CTNNA3: variants seen among roughly 807,000 people sequenced by gnomAD.
The protein encoded by CTNNA3 is catenin alpha-3.
CTNNA3 carries 76 observed loss-of-function variants against 95.7 expected under a neutral mutation model. The ratio of observed to expected loss-of-function variants is 0.79; its 90% CI spans 0.66 to 0.96. The LOEUF is 0.96. Ranked by LOEUF, CTNNA3 falls within the 40% of genes least tolerant of loss-of-function variation. The probability of loss-of-function intolerance (pLI) is 0.00; values close to 1 mark genes in which losing one functional copy is unlikely to be tolerated. For synonymous variants in CTNNA3, 431 were observed against 374.4 expected (o/e 1.15, Z -1.74); for missense variants, 1,191 against 1,089.8 (o/e 1.09, Z -1.31).
At chr10:67,285,234 TA>T (rs1839551885) in intron 5 of CTNNA3, among the ~76,000 whole-genome samples, 1 of 152,194 alleles carries the variant, frequency 6.6e-6, no homozygotes, top group Admixed American at 6.5e-5. Flanking sequence ...AAGTCCCAAC[TA>T]ATAACTAATG....
At chr10:67,726,509 A>G (rs1589582217) in intron 1 of CTNNA3, among the ~76,000 whole-genome samples, 1 of 74,572 alleles carries the variant, frequency 1.3e-5, no homozygotes, top group African/African-American at 5.7e-5. Context: ...ATAATATATT[A>G]TATATTATAT....
chr10:67,727,233 A>C (rs924063366), intron 1 of CTNNA3, among the ~76,000 whole-genome samples: 3 of 124,292 alleles, frequency 2.4e-5, no homozygotes, highest in African/African-American at 9.5e-5. Flanking sequence ...ATTACATATT[A>C]TATACTACAT....
At position 66,562,685 on chromosome 10, in the gene CTNNA3, T is replaced by C. The variant is rs578161630; in HGVS notation, c.1375-41912A>G. Among the ~76,000 whole-genome samples the C allele has an allele frequency of 1.2e-4, 18 of 152,268 alleles. No individual in the cohort carries two copies. The East Asian group carries it at 1.7e-3, about 15-fold the overall frequency. On this transcript the variant is annotated intron_variant, in intron 10 of 17. Coordinates refer to ENST00000433211, the MANE Select transcript of CTNNA3 (RefSeq NM_013266.4). ...TATTTTTGTGGTTGTCATTGGATTATGCTAATATGTACAGATCAAAGGTAA... is the reference window on the plus strand; with the variant it reads ...TATTTTTGTGGTTGTCATTGGATTACGCTAATATGTACAGATCAAAGGTAA...
At chr10:67,092,566 C>T (rs538767831) in intron 7 of CTNNA3, among the ~76,000 whole-genome samples, 1 of 151,656 alleles carries the variant, frequency 6.6e-6, no homozygotes, top group Non-Finnish European at 1.5e-5. Context: ...TACAAATATA[C>T]CTAGATATTA....
At chr10:66,423,556 C>T (rs930124286) in intron 11 of CTNNA3, among the ~76,000 whole-genome samples, 2 of 152,098 alleles carry the variant, frequency 1.3e-5, no homozygotes, top group Non-Finnish European at 2.9e-5. Context: ...ACATTCCAAC[C>T]CTAAGATAAA....
At chr10:67,491,378 TAGA>T (rs1848643102) in intron 5 of CTNNA3, among the ~76,000 whole-genome samples, 1 of 152,106 alleles carries the variant, frequency 6.6e-6, no homozygotes, top group Non-Finnish European at 1.5e-5. Flanking sequence ...CTTATTACAG[TAGA>T]AGGAGAAACA....
At chr10:67,341,829 C>T (rs1462692790) in intron 5 of CTNNA3, among the ~76,000 whole-genome samples, 1 of 151,926 alleles carries the variant, frequency 6.6e-6, no homozygotes, top group East Asian at 1.9e-4. Context: ...ACAATGACTC[C>T]CTTTTCTCCA....
intron 10 of CTNNA3, among the ~76,000 whole-genome samples, chr10:66,581,470 T>A (rs1440666684): frequency 3.3e-5 from 5 of 151,556 alleles, no homozygotes; most frequent in African/African-American, 1.2e-4. Context: ...GTGGTATACA[T>A]TGTGGTTTTA....
At chr10:67,496,313 G>C (rs1215380563) in intron 5 of CTNNA3, among the ~76,000 whole-genome samples, 1 of 151,978 alleles carries the variant, frequency 6.6e-6, no homozygotes, top group Non-Finnish European at 1.5e-5. Flanking sequence ...TGAATATATG[G>C]CTTATGTTTA....
chr10:67,545,677 A>G (rs1165994619), intron 3 of CTNNA3, among the ~76,000 whole-genome samples: 2 of 152,176 alleles, frequency 1.3e-5, no homozygotes, highest in African/African-American at 4.8e-5. Context: ...CGCAAGTGTC[A>G]TTAAGTTTTC....
At position 65,913,948 on chromosome 10, in the gene CTNNA3, C is replaced by T. The variant is rs1258668345; in HGVS notation, c.*6382G>A. 6.6e-6 allele frequency: 1 copy of T among 152,220 alleles called. No individual in the cohort carries two copies. The highest frequency in any genetic ancestry group is 1.9e-4 in the East Asian group (1 of 5,172). The allele number at this position is 152,220 out of a possible 1,614,324, so 9.4% of individuals were successfully genotyped here. On this transcript the variant is annotated 3_prime_UTR_variant, in exon 18 of 18. Transcript: ENST00000433211. ...AATAGAAAAGCAAGATATCTACAGGCTTTTGAACTATTGATACAACTATTC... is the reference window on the plus strand; with the variant it reads ...AATAGAAAAGCAAGATATCTACAGGTTTTTGAACTATTGATACAACTATTC...
At position 67,665,361 on chromosome 10, in the gene CTNNA3, C is replaced by T. The variant is rs539080383; in HGVS notation, c.-5-17843G>A. On this transcript the variant is annotated intron_variant, in intron 1 of 17. Coordinates refer to ENST00000433211, the MANE Select transcript of CTNNA3 (RefSeq NM_013266.4). ...AGTCTAGAGTTTAGTGTTACTAAAA[C>T]GAAAATTAGTTATAAAAGTAAAAAT... Among the ~76,000 whole-genome samples, 8 of 152,110 alleles carry T rather than the reference C, an allele frequency of 5.3e-5. No homozygotes were observed. In the South Asian group the frequency reaches 1.7e-3, roughly 32 times the overall value.
At chr10:66,554,275 G>T (rs572678971) in intron 10 of CTNNA3, among the ~76,000 whole-genome samples, 91 of 152,120 alleles carry the variant, frequency 6.0e-4, no homozygotes, top group Middle Eastern at 3.4e-3. Flanking sequence ...CCTGAATACA[G>T]ATATTTTATC....
chr10:65,987,140 A>G (rs565987919), intron 16 of CTNNA3, among the ~76,000 whole-genome samples: 21 of 152,134 alleles, frequency 1.4e-4, no homozygotes, highest in Middle Eastern at 3.4e-3. Flanking sequence ...TTTGGCAAAG[A>G]TTTGATGGCT....
intron 10 of CTNNA3, among the ~76,000 whole-genome samples, chr10:66,587,144 T>A (rs973803264): frequency 2.0e-5 from 3 of 152,138 alleles, no homozygotes; most frequent in African/African-American, 7.2e-5. Context: ...GTTTTGGTTT[T>A]CTCAAATGCC....
chr10:67,169,925 A>T (rs1861940128), intron 7 of CTNNA3, among the ~76,000 whole-genome samples: 1 of 152,222 alleles, frequency 6.6e-6, no homozygotes, highest in South Asian at 2.1e-4. Context: ...AAACAAATTG[A>T]CAAAAGAAAA....
At chr10:67,714,785 T>C (rs1267385006) in intron 1 of CTNNA3, among the ~76,000 whole-genome samples, 2 of 152,190 alleles carry the variant, frequency 1.3e-5, no homozygotes, top group South Asian at 2.1e-4. Flanking sequence ...GAGAGGTAAC[T>C]GAATCATGGG....
intron 11 of CTNNA3, among the ~76,000 whole-genome samples, chr10:66,520,178 G>T (rs1436138631): frequency 6.7e-6 from 1 of 149,592 alleles, no homozygotes; most frequent in South Asian, 2.1e-4. Context: ...GCAACATATT[G>T]CATCCAAAAA....
chr10:66,125,202 A>T (rs2133829128), intron 13 of CTNNA3, among the ~76,000 whole-genome samples: 1 of 152,274 alleles, frequency 6.6e-6, no homozygotes, highest in African/African-American at 2.4e-5. Context: ...AGGTAAAATT[A>T]AATCTTTTTT....
Sources: gnomAD v4.1 joint callset for allele counts (sites outside exome capture counted in the v4.1 genomes callset) on GRCh38, gnomAD v4.1.1 for gene constraint, MANE v1.5 for transcripts, NCBI Gene and HGNC (gene_info 2026-07-23, HGNC 2026-07-21) for gene names.